The following FGF13 variants were observed in gnomAD, a reference collection of about 807,000 sequenced individuals.
FGF13 encodes fibroblast growth factor homologous factor 2.
In FGF13, 2 loss-of-function variants were observed where a neutral mutation model predicts 19.5. The observed-to-expected ratio is 0.10, with a 90% CI of 0.04 to 0.32. The LOEUF (loss-of-function observed/expected upper bound fraction) is 0.32. FGF13 is among the 10% of genes least tolerant of loss of function. The pLI is 1.00. For missense variants in FGF13, 113 were observed against 192.7 expected (o/e 0.59, Z 2.45); for synonymous variants, 72 against 76.9 (o/e 0.94, Z 0.33).
intron 1 of FGF13, among the ~76,000 whole-genome samples, chrX:138,896,623 C>T (rs1234245198): frequency 1.8e-5 from 2 of 112,222 alleles, no homozygotes; most frequent in East Asian, 5.6e-4. Context: ...AATAAACAGG[C>T]TTTGGAGTTA....
At chrX:139,181,874 G>A (rs1485447609) in intron 1 of FGF13, among the ~76,000 whole-genome samples, 3 of 110,951 alleles carry the variant, frequency 2.7e-5, no homozygotes, top group South Asian at 3.9e-4. Flanking sequence ...AGGGACTGGC[G>A]GGGCTTTTCC....
At chrX:138,648,976 A>T (rs1366760165) in intron 3 of FGF13, among the ~76,000 whole-genome samples, 7 of 112,337 alleles carry the variant, frequency 6.2e-5, no homozygotes, top group African/African-American at 1.9e-4. Flanking sequence ...ACTAATTTTT[A>T]CCAGATGGCT....
intron 1 of FGF13, among the ~76,000 whole-genome samples, chrX:138,956,769 CA>C (rs1460480885): frequency 9.0e-6 from 1 of 111,368 alleles, no homozygotes; most frequent in Non-Finnish European, 1.9e-5. Context: ...AAATAGTTTT[CA>C]AAAACCAGTG....
At chrX:139,118,077 A>G (rs1336028332) in intron 1 of FGF13, among the ~76,000 whole-genome samples, 1 of 111,379 alleles carries the variant, frequency 9.0e-6, no homozygotes, top group African/African-American at 3.3e-5. Flanking sequence ...GCACAGTCCT[A>G]TAGGGGAACA....
At chrX:138,869,145 C>T (rs1371982647) in intron 1 of FGF13, among the ~76,000 whole-genome samples, 2 of 111,206 alleles carry the variant, frequency 1.8e-5, no homozygotes, top group African/African-American at 6.5e-5. Flanking sequence ...CTTTTCCTTC[C>T]TGCCAACGTT....
intron 1 of FGF13, among the ~76,000 whole-genome samples, chrX:138,879,232 C>A (rs1224681731): frequency 9.0e-6 from 1 of 111,698 alleles, no homozygotes; most frequent in Admixed American, 9.5e-5. Context: ...TTGTTGTTGA[C>A]TGTTAGGAGT....
intron 3 of FGF13, among the ~76,000 whole-genome samples, chrX:138,671,055 T>G: frequency 9.0e-6 from 1 of 111,182 alleles, no homozygotes; most frequent in Non-Finnish European, 1.9e-5. Context: ...ACCGCCATCA[T>G]CATTTCCATT....
intron 1 of FGF13, among the ~76,000 whole-genome samples, chrX:139,087,252 C>T (rs1031712409): frequency 1.8e-5 from 2 of 109,587 alleles, no homozygotes; most frequent in Admixed American, 9.7e-5. Flanking sequence ...GCCGAGATCG[C>T]GCCATTGCAT....
At chrX:139,042,645 A>G (rs1238593939) in intron 1 of FGF13, among the ~76,000 whole-genome samples, 2 of 111,987 alleles carry the variant, frequency 1.8e-5, no homozygotes, top group African/African-American at 6.5e-5. Context: ...ATTATTTTAA[A>G]GACAGATGAA....
intron 3 of FGF13, among the ~76,000 whole-genome samples, chrX:138,810,669 G>T (rs969925349): frequency 9.0e-5 from 10 of 111,671 alleles, no homozygotes; most frequent in African/African-American, 3.3e-4. Flanking sequence ...CCTACAGAAT[G>T]GGACAAAATG....
chrX:139,050,802 A>G (rs1390814409), intron 1 of FGF13, among the ~76,000 whole-genome samples: 1 of 112,231 alleles, frequency 8.9e-6, no homozygotes, highest in Non-Finnish European at 1.9e-5. Context: ...GTTAATTCAG[A>G]TTGCCTGAAA....
intron 1 of FGF13, among the ~76,000 whole-genome samples, chrX:139,189,065 CCACACACA>C (rs3048351): frequency 1.4e-4 from 14 of 102,710 alleles, no homozygotes; most frequent in Non-Finnish European, 2.2e-4. Flanking sequence ...TTCATTGTTT[CCACACACA>C]CACACACACA....
intron 2 of FGF13, among the ~76,000 whole-genome samples, chrX:138,703,510 T>C (rs1006917959): frequency 8.9e-6 from 1 of 111,759 alleles, no homozygotes; most frequent in Non-Finnish European, 1.9e-5. Flanking sequence ...ATTAAGGTTT[T>C]AAACTGCTCC....
chrX:139,179,717 T>G (rs1264631271), intron 1 of FGF13, among the ~76,000 whole-genome samples: 1 of 112,984 alleles, frequency 8.9e-6, no homozygotes, highest in African/African-American at 3.2e-5. Flanking sequence ...AATAGCTGAT[T>G]GTATGTTTTA....
chrX:138,723,215 C>A (rs994336691), intron 1 of FGF13, among the ~76,000 whole-genome samples: 2 of 111,669 alleles, frequency 1.8e-5, no homozygotes, highest in African/African-American at 3.3e-5. Flanking sequence ...CTCTTACTTT[C>A]TTTCTGTTTA....
chrX:138,776,215 C>A (rs1484905620), intron 3 of FGF13, among the ~76,000 whole-genome samples: 2 of 112,170 alleles, frequency 1.8e-5, no homozygotes, highest in Non-Finnish European at 3.8e-5. Context: ...ATGGGATTGG[C>A]AAATTGTGAC....
At chrX:138,959,601 G>T (rs1182834908) in intron 1 of FGF13, among the ~76,000 whole-genome samples, 3 of 111,322 alleles carry the variant, frequency 2.7e-5, no homozygotes, top group Admixed American at 9.6e-5. Flanking sequence ...TCTGTGATGT[G>T]TCTAATGTTG....
intron 1 of FGF13, among the ~76,000 whole-genome samples, chrX:139,118,369 G>A (rs952993790): frequency 8.1e-5 from 9 of 111,553 alleles, no homozygotes; most frequent in African/African-American, 1.6e-4. Context: ...TACTAAATGC[G>A]TATTGCTTTC....
At chrX:139,155,266 C>T (rs981207241) in intron 1 of FGF13, among the ~76,000 whole-genome samples, 1 of 112,291 alleles carries the variant, frequency 8.9e-6, no homozygotes, top group Non-Finnish European at 1.9e-5. Context: ...GAAGCCTCTT[C>T]TTAATGAAAA....
Sources: allele counts gnomAD v4.1 joint callset (sites outside exome capture counted in the v4.1 genomes callset), GRCh38; gene constraint gnomAD v4.1.1; transcripts MANE v1.5; gene names NCBI Gene and HGNC (gene_info 2026-07-23, HGNC 2026-07-21).